Variants in YEATS2 observed in about 807,000 individuals in gnomAD.
YEATS2 encodes YEATS domain-containing protein 2.
Under a neutral mutation model 163.2 loss-of-function variants are expected in YEATS2, and 77 were observed. The observed-to-expected ratio is 0.47, with a 90% CI of 0.39 to 0.57. The LOEUF (loss-of-function observed/expected upper bound fraction) is 0.57. YEATS2 is among the 20% of genes least tolerant of loss of function. The pLI, the probability that YEATS2 is intolerant of heterozygous loss-of-function variation, is 0.00. For synonymous variants in YEATS2, 631 were observed against 645.1 expected (o/e 0.98, Z 0.33); for missense variants, 1,549 against 1,729.8 (o/e 0.90, Z 1.85).
At chr3:183,768,729 T>A (rs1283623882) in intron 15 of YEATS2, among the ~76,000 whole-genome samples, 2 of 152,000 alleles carry the variant, frequency 1.3e-5, no homozygotes, top group African/African-American at 4.8e-5. Flanking sequence ...TCTCAGCACT[T>A]TGGGAGGCCG....
rs1383910351 is a variant in YEATS2, at chr3:183,798,031, T to C, written c.3206T>C (p.Ile1069Thr). 6.2e-7 allele frequency: 1 copy of C among 1,613,862 alleles called. No individual in the cohort carries two copies. The highest frequency in any genetic ancestry group is 8.5e-7 in the Non-Finnish European group (1 of 1,179,936). The change falls in exon 22 of 31, where the codon ATC becomes ACC. Residue 1069 changes from isoleucine to threonine, a missense_variant. Transcript: ENST00000305135. ...AACACATCTGGAGGGGTGCAGACGA[T>C]CCTGATGCCTGTGAATAAAGGTGAG... ...SVNTSGGVQT[I>T]LMPVNKVVQS...
chr3:183,744,970 C>G (rs1160902695), intron 8 of YEATS2, among the ~76,000 whole-genome samples: 3 of 152,168 alleles, frequency 2.0e-5, no homozygotes, highest in Non-Finnish European at 2.9e-5. Context: ...CCTGCCTCAG[C>G]CTCCCAAATA....
At chr3:183,797,323 G>T (rs1010367674) in intron 21 of YEATS2, among the ~76,000 whole-genome samples, 1 of 147,522 alleles carries the variant, frequency 6.8e-6, no homozygotes, top group Non-Finnish European at 1.5e-5. Flanking sequence ...TGGGAGGATC[G>T]CTCGAGGCCA....
At position 183,774,271 on chromosome 3, in the gene YEATS2, C is replaced by T. The variant is rs188212308; in HGVS notation, c.2368+477C>T. Among the ~76,000 whole-genome samples the T allele has an allele frequency of 3.2e-3, 486 of 152,298 alleles. 1 individual carries two copies. Among genetic ancestry groups the T allele is most frequent in the Middle Eastern group, 0.017 (5 of 294 alleles). ...ACGAAGAAGCATTACTGCCTGAGCT[C>T]CGCCTCCTGTCAGATCAGCAGTGGC... On this transcript the variant is annotated intron_variant, in intron 17 of 30. Transcript: ENST00000305135.
intron 1 of YEATS2, among the ~76,000 whole-genome samples, chr3:183,710,323 T>C (rs975217636): frequency 6.6e-6 from 1 of 152,228 alleles, no homozygotes; most frequent in Non-Finnish European, 1.5e-5. Context: ...TGTTACACAT[T>C]CTGTTCACTT....
At chr3:183,803,094 G>A (rs1313258541) in intron 25 of YEATS2, 162 bp from the exon 26 acceptor site, 1 of 688,424 alleles carries the variant, frequency 1.5e-6, no homozygotes, top group East Asian at 2.7e-5. Context: ...CTTCTCTTCT[G>A]AGGAGACGCC....
In YEATS2 at chr3:183,715,134, T is replaced by C. The variant is rs1176058688; in HGVS notation, c.-19-10T>C. On this transcript the variant is annotated splice_polypyrimidine_tract_variant and intron_variant, in intron 1 of 30. Coordinates refer to ENST00000305135, the MANE Select transcript of YEATS2 (RefSeq NM_018023.5). The stretch of plus-strand genomic sequence containing the variant: ...TAATTAAAAATTATTAATTTATCAT[T>C]GCTTCACAGTGAAGAACTGAATGTC... 1 of 1,517,694 alleles carries C rather than the reference T, an allele frequency of 6.6e-7. No homozygotes were observed. The highest frequency in any genetic ancestry group is 1.4e-5 in the African/African-American group (1 of 71,862). 94.0% of individuals were successfully genotyped at this position (1,517,694 alleles called of 1,614,324 possible).
chr3:183,720,988 A>G (rs979496864), intron 4 of YEATS2, among the ~76,000 whole-genome samples: 1 of 152,144 alleles, frequency 6.6e-6, no homozygotes, highest in Non-Finnish European at 1.5e-5. Flanking sequence ...GGAGGACTTC[A>G]TTGACTTCAC....
chr3:183,700,906 TGA>T (rs1714011842), intron 1 of YEATS2, among the ~76,000 whole-genome samples: 2 of 151,742 alleles, frequency 1.3e-5, no homozygotes, highest in Non-Finnish European at 2.9e-5. Flanking sequence ...AGAGGAGAAT[TGA>T]GAGTGACAAT....
chr3:183,733,927 C>T (rs1002423876), intron 7 of YEATS2, among the ~76,000 whole-genome samples: 4 of 151,978 alleles, frequency 2.6e-5, no homozygotes, highest in Admixed American at 6.6e-5. Context: ...AAGATGAGCA[C>T]GGGGCCTTGG....
chr3:183,756,424 T>TA (rs1720771395), intron 11 of YEATS2, 104 bp from the exon 12 acceptor site: 4 of 1,115,856 alleles, frequency 3.6e-6, no homozygotes, highest in Non-Finnish European at 5.0e-6. Flanking sequence ...CCCAATTTGT[T>TA]ACCTTTGTCC....
chr3:183,745,586 A>G (rs1479231589), intron 8 of YEATS2, among the ~76,000 whole-genome samples: 1 of 152,222 alleles, frequency 6.6e-6, no homozygotes, highest in Non-Finnish European at 1.5e-5. Flanking sequence ...TTTGTACAGT[A>G]AATAATGACG....
chr3:183,800,067 C>T (rs1418648903), intron 23 of YEATS2, among the ~76,000 whole-genome samples: 3 of 152,148 alleles, frequency 2.0e-5, no homozygotes, highest in Middle Eastern at 3.4e-3. Flanking sequence ...CTCCTGACCT[C>T]GTGATCCGCC....
intron 4 of YEATS2, among the ~76,000 whole-genome samples, chr3:183,720,600 T>A (rs2109053662): frequency 6.6e-6 from 1 of 152,268 alleles, no homozygotes; most frequent in Middle Eastern, 3.4e-3. Flanking sequence ...AGAGCATTAT[T>A]TGAGTTGAAT....
chr3:183,805,348 C>G (rs568422396), intron 27 of YEATS2, among the ~76,000 whole-genome samples: 116 of 151,814 alleles, frequency 7.6e-4, no homozygotes, highest in African/African-American at 2.6e-3. Flanking sequence ...TGCAGTAAGC[C>G]ATGAGCACAC....
chr3:183,779,962 CTG>C (rs1403873057), intron 19 of YEATS2, among the ~76,000 whole-genome samples: 4 of 150,062 alleles, frequency 2.7e-5, no homozygotes, highest in Non-Finnish European at 3.0e-5. Context: ...TCCCAATGAA[CTG>C]AGATTACAGG....
intron 27 of YEATS2, chr3:183,806,602 G>T: frequency 2.0e-6 from 1 of 489,164 alleles, no homozygotes; most frequent in Non-Finnish European, 3.7e-6. Flanking sequence ...CCTGGTTTTT[G>T]GTGGCAGAAG....
At chr3:183,727,232 AAAG>A (rs1399927344) in intron 6 of YEATS2, among the ~76,000 whole-genome samples, 8 of 152,224 alleles carry the variant, frequency 5.3e-5, no homozygotes, top group East Asian at 1.9e-4. Flanking sequence ...AAAATTAAAA[AAAG>A]AGAAGGCACA....
At position 183,803,320 on chromosome 3, in the gene YEATS2, AAGG is replaced by A. The variant is rs766142116; in HGVS notation, c.3570_3572del (p.Arg1191del). ...AGTACTATGGCTGGAACATTGGAAA[AAGG>A]AGAGCCGCTGAGGTAACCCACATCT... On this transcript the variant is annotated inframe_deletion, in exon 26 of 31. Transcript: ENST00000305135. 1.2e-6 allele frequency: 2 copies of A among 1,611,278 alleles called. No homozygotes were observed. The highest frequency in any genetic ancestry group is 1.7e-5 in the Admixed American group (1 of 59,852).
Sources: gnomAD v4.1 joint callset for allele counts (sites outside exome capture counted in the v4.1 genomes callset) on GRCh38, gnomAD v4.1.1 for gene constraint, MANE v1.5 for transcripts, NCBI Gene and HGNC (gene_info 2026-07-23, HGNC 2026-07-21) for gene names.